Variants in DENND4C observed in about 807,000 individuals in gnomAD.
DENND4C encodes the protein DENN domain containing 4C, also known as DENN domain-containing protein 4C.
A neutral mutation model predicts 203.0 loss-of-function variants in DENND4C; 108 were observed. The ratio of observed to expected loss-of-function variants is 0.53; its 90% CI spans 0.46 to 0.62. The LOEUF is 0.62. Among genes scored for constraint, DENND4C ranks in the 20% least tolerant of loss-of-function variants. The probability of loss-of-function intolerance (pLI) is 0.00; values close to 1 mark genes in which losing one functional copy is unlikely to be tolerated. For synonymous variants in DENND4C, 871 were observed against 792.4 expected (o/e 1.10, Z -1.67); for missense variants, 2,481 against 2,301.2 (o/e 1.08, Z -1.60).
chr9:19,324,183 C>T (rs1381030852), intron 12 of DENND4C, among the ~76,000 whole-genome samples, 179 bp from the exon 13 acceptor site: 2 of 151,692 alleles, frequency 1.3e-5, no homozygotes, highest in Non-Finnish European at 2.9e-5. Flanking sequence ...ATCTGAAACA[C>T]TTTTGGTCCC....
rs1452541788 is a variant in DENND4C, at chr9:19,358,873, C to T, written c.5160+713C>T. ...GGGTTTTTGTGTTAGTGTTCATTTGCTTGTTTATTTTTGTAAGACGATTTC... is the reference window on the plus strand; with the variant it reads ...GGGTTTTTGTGTTAGTGTTCATTTGTTTGTTTATTTTTGTAAGACGATTTC... On this transcript the variant is annotated intron_variant, in intron 28 of 32. Coordinates refer to ENST00000434457, the MANE Select transcript of DENND4C (RefSeq NM_001330640.2). This position sits in a 1 kb window ranked among gnomAD's most constrained non-coding sequence, Gnocchi z 4.8. Among the ~76,000 whole-genome samples, 1 of 151,676 alleles carries T rather than the reference C, an allele frequency of 6.6e-6. No individual in the cohort carries two copies.
intron 30 of DENND4C, 51 bp from the exon 31 acceptor site, chr9:19,369,778 AATAATAAT>A: frequency 1.2e-6 from 1 of 849,174 alleles, no homozygotes; most frequent in Non-Finnish European, 1.5e-6. Flanking sequence ...AAAAAAAAAA[AATAATAAT>A]AATAATAATA....
intron 24 of DENND4C, 151 bp from the exon 25 acceptor site, chr9:19,351,922 C>G: frequency 1.8e-6 from 1 of 554,440 alleles, no homozygotes; most frequent in Non-Finnish European, 3.2e-6. Flanking sequence ...TTAACTTTAT[C>G]TCTTTCTATG....
At chr9:19,309,761 C>T (rs10964094) in intron 10 of DENND4C, among the ~76,000 whole-genome samples, 34,309 of 150,690 alleles carry the variant, frequency 0.23, 4,063 homozygotes, top group East Asian at 0.42. Flanking sequence ...TAATTGATAT[C>T]GTAATTGTAT....
Position 19,357,950 on chromosome 9 carries a change from A to G in DENND4C, c.4965-15A>G. On this transcript the variant is annotated splice_polypyrimidine_tract_variant and intron_variant, in intron 27 of 32. Transcript: ENST00000434457. The stretch of plus-strand genomic sequence containing the variant: ...TCAACATGAACATAGCATTTCTTCT[A>G]TATTTATTTTTAAGTGATGAAATAA... The G allele has an allele frequency of 2.5e-6, 4 of 1,569,000 alleles. No homozygotes were observed. Among genetic ancestry groups the G allele is most frequent in the South Asian group, 1.1e-5 (1 of 87,070 alleles).
intron 5 of DENND4C, 36 bp from the exon 6 acceptor site, chr9:19,295,972 A>G: frequency 6.7e-7 from 1 of 1,489,080 alleles, no homozygotes; most frequent in Non-Finnish European, 9.2e-7. Context: ...TTTCAAACAA[A>G]CTCAAATCTT....
rs1280977018 is a variant in DENND4C, at chr9:19,370,129, T to TA, written c.5675+143dup. 44 of 1,001,604 alleles carry TA rather than the reference T, an allele frequency of 4.4e-5. No individual in the cohort carries two copies. In the African/African-American group the frequency reaches 6.7e-4, roughly 15 times the overall value. 62.0% of individuals were successfully genotyped at this position (1,001,604 alleles called of 1,614,324 possible). A position where few individuals can be genotyped will look rare whatever the true frequency, so the allele number is the denominator to read the frequency against. The stretch of plus-strand genomic sequence containing the variant: ...TCTATTGTTTTAAGTGCTACACAGA[T>TA]ATATACATTCCTACTTGAACACAAA... On this transcript the variant is annotated intron_variant, in intron 31 of 32. Coordinates refer to ENST00000434457, the MANE Select transcript of DENND4C (RefSeq NM_001330640.2).
chr9:19,232,112 A>G (rs1820723069), intron 1 of DENND4C, among the ~76,000 whole-genome samples: 1 of 152,210 alleles, frequency 6.6e-6, no homozygotes, highest in Non-Finnish European at 1.5e-5. Flanking sequence ...TATAGCATGC[A>G]AAAAAGAAAC....
intron 10 of DENND4C, among the ~76,000 whole-genome samples, chr9:19,308,587 C>T (rs1202995853): frequency 6.6e-6 from 1 of 152,130 alleles, no homozygotes; most frequent in Non-Finnish European, 1.5e-5. Flanking sequence ...GTATGCATTC[C>T]AGATAGCTTC....
intron 24 of DENND4C, 27 bp downstream of exon 24, chr9:19,350,906 A>G (rs1482630709): frequency 6.4e-7 from 1 of 1,566,272 alleles, no homozygotes; most frequent in Non-Finnish European, 8.6e-7. Context: ...TCCTTTCTTC[A>G]TTTGCTTTAT....
rs547215196 is a variant in DENND4C, at chr9:19,244,116, C to T, written c.-18+13283C>T. Among the ~76,000 whole-genome samples, 30 of 152,280 alleles carry T rather than the reference C, an allele frequency of 2.0e-4. No homozygotes were observed. In the East Asian group the frequency reaches 5.0e-3, roughly 26 times the overall value. On this transcript the variant is annotated intron_variant, in intron 1 of 32. Coordinates refer to ENST00000434457, the MANE Select transcript of DENND4C (RefSeq NM_001330640.2). ...CGCAATCTCGGCTCACTGCCGCCTC[C>T]GCCTCCCGGGTTTAAGCGATTCTCC...
chr9:19,316,872 T>G, intron 12 of DENND4C, 33 bp downstream of exon 12: 1 of 1,537,944 alleles, frequency 6.5e-7, no homozygotes, highest in Non-Finnish European at 8.8e-7. Flanking sequence ...TTCCTTTTAT[T>G]GAGGTGAAAA....
At chr9:19,269,744 A>G (rs1306337093) in intron 1 of DENND4C, among the ~76,000 whole-genome samples, 1 of 152,098 alleles carries the variant, frequency 6.6e-6, no homozygotes, top group Non-Finnish European at 1.5e-5. Context: ...TCATTCCAGG[A>G]TTGGTCACTG....
At chr9:19,263,346 T>G (rs760237825) in intron 1 of DENND4C, among the ~76,000 whole-genome samples, 1 of 152,074 alleles carries the variant, frequency 6.6e-6, no homozygotes, top group East Asian at 1.9e-4. Context: ...GCTTGTTGTT[T>G]TTTGTTTGTT....
chr9:19,269,264 C>G (rs1398673696), intron 1 of DENND4C, among the ~76,000 whole-genome samples: 1 of 152,084 alleles, frequency 6.6e-6, no homozygotes, highest in African/African-American at 2.4e-5. Context: ...CGGGTTCAAG[C>G]AATTCCCCTG....
intron 16 of DENND4C, among the ~76,000 whole-genome samples, chr9:19,329,891 A>C (rs1818697301): frequency 6.6e-6 from 1 of 152,262 alleles, no homozygotes. Context: ...GGTATAAAGA[A>C]CTAAGCTGTG....
chr9:19,355,549 G>T (rs12554577), intron 26 of DENND4C, among the ~76,000 whole-genome samples: 42,389 of 151,900 alleles, frequency 0.28, 6,113 homozygotes, highest in Middle Eastern at 0.36. Context: ...CCTATCCTTT[G>T]CTTACTGCTA....
At chr9:19,265,188 G>A (rs967081987) in intron 1 of DENND4C, among the ~76,000 whole-genome samples, 10 of 151,756 alleles carry the variant, frequency 6.6e-5, no homozygotes, top group African/African-American at 2.2e-4. Flanking sequence ...CTAAGTTACT[G>A]TATTTTTTTT....
At chr9:19,278,197 G>A (rs1049573987) in intron 2 of DENND4C, among the ~76,000 whole-genome samples, 7 of 151,470 alleles carry the variant, frequency 4.6e-5, no homozygotes, top group Non-Finnish European at 7.4e-5. Context: ...GTGCAGTGGC[G>A]CAATCTTGGC....
Sources: gnomAD v4.1 joint callset for allele counts (sites outside exome capture counted in the v4.1 genomes callset) on GRCh38, gnomAD v4.1.1 for gene constraint, Gnocchi (gnomAD v3.1) non-coding constraint, MANE v1.5 for transcripts, NCBI Gene and HGNC (gene_info 2026-07-23, HGNC 2026-07-21) for gene names.